The following AGBL1 variants were observed in gnomAD, a reference collection of about 807,000 sequenced individuals.
AGBL1 encodes cytosolic carboxypeptidase 4.
Under a neutral mutation model 118.9 loss-of-function variants are expected in AGBL1, and 130 were observed. The ratio of observed to expected loss-of-function variants is 1.09; its 90% CI spans 0.95 to 1.26. The LOEUF is 1.26. Among genes scored for constraint, AGBL1 ranks in the 50% most tolerant of loss-of-function variants. The pLI is 0.00. For missense variants in AGBL1, 1,584 were observed against 1,298.1 expected (o/e 1.22, Z -3.38); for synonymous variants, 555 against 478.9 (o/e 1.16, Z -2.08).
At chr15:86,841,334 G>A (rs1173999082) in intron 22 of AGBL1, among the ~76,000 whole-genome samples, 1 of 152,158 alleles carries the variant, frequency 6.6e-6, no homozygotes, top group Non-Finnish European at 1.5e-5. Context: ...AGGGGTCAGG[G>A]GCAGTGAGGG....
In AGBL1 at chr15:86,915,600, G is replaced by A. The variant is rs908580996; in HGVS notation, c.*8306G>A. The stretch of plus-strand genomic sequence containing the variant: ...GAGAAACCCAGTCACAGCTTTTGTT[G>A]TATGGCATTGCCTGTGGACTTTGCT... On this transcript the variant is annotated 3_prime_UTR_variant, in exon 23 of 23. Transcript: ENST00000614907. The A allele has an allele frequency of 1.3e-5, 2 of 152,092 alleles. No homozygotes were observed. The highest frequency in any genetic ancestry group is 4.8e-5 in the African/African-American group (2 of 41,382). 9.4% of individuals were successfully genotyped at this position (152,092 alleles called of 1,614,324 possible).
chr15:86,245,664 G>A (rs2078708803), intron 6 of AGBL1, among the ~76,000 whole-genome samples: 1 of 152,308 alleles, frequency 6.6e-6, no homozygotes, highest in Non-Finnish European at 1.5e-5. Flanking sequence ...TTTATGGGCG[G>A]TCCCAAACAG....
chr15:86,178,417 C>G (rs146695087), intron 5 of AGBL1, among the ~76,000 whole-genome samples: 2 of 152,208 alleles, frequency 1.3e-5, no homozygotes, highest in African/African-American at 4.8e-5. Flanking sequence ...CCTACAATTT[C>G]TGTAGATATG....
chr15:86,561,931 T>C (rs933236067), intron 21 of AGBL1, among the ~76,000 whole-genome samples: 30 of 152,162 alleles, frequency 2.0e-4, no homozygotes, highest in African/African-American at 7.0e-4. Context: ...GAATGGGAGT[T>C]CACTCATGAT....
At chr15:86,648,059 G>A (rs188719979) in intron 21 of AGBL1, among the ~76,000 whole-genome samples, 2 of 152,254 alleles carry the variant, frequency 1.3e-5, no homozygotes, top group African/African-American at 4.8e-5. Flanking sequence ...ACTTGCTCAA[G>A]GACCATAACC....
intron 22 of AGBL1, among the ~76,000 whole-genome samples, chr15:86,816,749 G>A (rs528382349): frequency 1.3e-5 from 2 of 152,274 alleles, no homozygotes; most frequent in South Asian, 2.1e-4. Flanking sequence ...CCCTCTCTGA[G>A]GTCAGTGACC....
intron 3 of AGBL1, among the ~76,000 whole-genome samples, chr15:86,154,121 A>G (rs2077155269): frequency 6.6e-6 from 1 of 152,182 alleles, no homozygotes. Flanking sequence ...TAATTCTAGA[A>G]TCGTCTTAAA....
chr15:86,904,914 T>C (rs980788525), intron 22 of AGBL1, among the ~76,000 whole-genome samples: 1 of 152,134 alleles, frequency 6.6e-6, no homozygotes, highest in African/African-American at 2.4e-5. Context: ...TGTTCTATAG[T>C]ATAAAATAAA....
chr15:86,208,451 G>A (rs562341377), intron 5 of AGBL1, among the ~76,000 whole-genome samples: 1 of 152,098 alleles, frequency 6.6e-6, no homozygotes, highest in South Asian at 2.1e-4. Flanking sequence ...ATCTGGTCCT[G>A]GACTTTTTGG....
At chr15:86,371,595 C>T (rs960065704) in intron 17 of AGBL1, among the ~76,000 whole-genome samples, 3 of 152,004 alleles carry the variant, frequency 2.0e-5, no homozygotes, top group Admixed American at 1.3e-4. Context: ...TACTATTATA[C>T]GTCATTATTA....
At chr15:86,168,379 G>A (rs76951612) in intron 5 of AGBL1, among the ~76,000 whole-genome samples, 2,815 of 151,996 alleles carry the variant, frequency 0.019, 91 homozygotes, top group African/African-American at 0.063. Flanking sequence ...AGAAGCAAGA[G>A]CAAAGACAAA....
chr15:86,354,048 T>A (rs548214124), intron 17 of AGBL1, among the ~76,000 whole-genome samples: 13 of 152,328 alleles, frequency 8.5e-5, no homozygotes, highest in African/African-American at 2.9e-4. Context: ...AGGCGGGTGA[T>A]TTGCACTTCT....
chr15:86,110,924 C>A (rs1014293097), intron 1 of AGBL1, among the ~76,000 whole-genome samples: 1 of 152,212 alleles, frequency 6.6e-6, no homozygotes, highest in Non-Finnish European at 1.5e-5. Context: ...CCCGAGTTTT[C>A]CCAATACAGC....
chr15:87,016,675 C>T (rs1257480457), intron 24 of AGBL1, among the ~76,000 whole-genome samples: 3 of 152,144 alleles, frequency 2.0e-5, no homozygotes, highest in South Asian at 2.1e-4. Flanking sequence ...GCAAACATCT[C>T]GACCCACAGA....
At position 86,220,903 on chromosome 15, in the gene AGBL1, C is replaced by T. The variant is rs74250501; in HGVS notation, c.489-4011C>T. On this transcript the variant is annotated intron_variant, in intron 5 of 22. Coordinates refer to ENST00000614907, the MANE Select transcript of AGBL1 (RefSeq NM_001386094.1). ...AGAAAACAGTGCCCTCCCAAGAAGT[C>T]CTCTTCAGGCCGTGCACAGTGACTC... Among the ~76,000 whole-genome samples the T allele has an allele frequency of 1.3e-3, 204 of 152,168 alleles. 1 individual carries two copies. In the East Asian group the frequency reaches 0.034, roughly 25 times the overall value.
intron 21 of AGBL1, among the ~76,000 whole-genome samples, chr15:86,633,786 ATATATATATAATG>A (rs1387426517): frequency 0.017 from 1,714 of 101,994 alleles, 15 homozygotes; most frequent in Middle Eastern, 0.038. Flanking sequence ...ATGTGTGTGT[ATATATATATAATG>A]TATATATATA....
At chr15:86,781,165 T>A (rs1172647579) in intron 22 of AGBL1, among the ~76,000 whole-genome samples, 3 of 152,152 alleles carry the variant, frequency 2.0e-5, no homozygotes, top group African/African-American at 7.2e-5. Flanking sequence ...TTTTTCAAGT[T>A]CTCTCTGTCA....
intron 15 of AGBL1, among the ~76,000 whole-genome samples, chr15:86,271,975 T>C (rs1241506815): frequency 6.6e-6 from 1 of 152,250 alleles, no homozygotes; most frequent in African/African-American, 2.4e-5. Flanking sequence ...TGTTGTCAGA[T>C]ATTAGAAGTC....
At chr15:86,959,534 T>C (rs983626056) in intron 23 of AGBL1, among the ~76,000 whole-genome samples, 3 of 150,020 alleles carry the variant, frequency 2.0e-5, no homozygotes, top group Admixed American at 1.3e-4. Context: ...AGATCATCAT[T>C]ACAACACACA....
Sources: gnomAD v4.1 joint callset for allele counts (sites outside exome capture counted in the v4.1 genomes callset) on GRCh38, gnomAD v4.1.1 for gene constraint, MANE v1.5 for transcripts, NCBI Gene and HGNC (gene_info 2026-07-23, HGNC 2026-07-21) for gene names.